PTPRG: variants seen among roughly 807,000 people sequenced by gnomAD.
The protein encoded by PTPRG is protein tyrosine phosphatase receptor type G.
Under a neutral mutation model 165.3 loss-of-function variants are expected in PTPRG, and 102 were observed. The ratio of observed to expected loss-of-function variants is 0.62; its 90% CI spans 0.53 to 0.73. The LOEUF is 0.73. PTPRG is among the 30% of genes least tolerant of loss of function. PTPRG has a pLI of 0.00. For synonymous variants in PTPRG, 675 were observed against 669.5 expected, an observed-to-expected ratio of 1.01 and a Z score of -0.13; for missense variants, 1,866 against 1,861.4, an observed-to-expected ratio of 1.00 and a Z score of -0.05.
intron 1 of PTPRG, among the ~76,000 whole-genome samples, chr3:61,701,768 G>A (rs1294769196): frequency 6.6e-6 from 1 of 151,992 alleles, no homozygotes. Context: ...GTCGTGTCAC[G>A]TGACTGTCAT....
intron 5 of PTPRG, among the ~76,000 whole-genome samples, chr3:62,130,584 T>C (rs1188981916): frequency 6.6e-6 from 1 of 152,212 alleles, no homozygotes; most frequent in Non-Finnish European, 1.5e-5. Context: ...ACCATCTTTT[T>C]GTCTATAGCT....
At chr3:62,238,424 C>T (rs1180883641) in intron 14 of PTPRG, among the ~76,000 whole-genome samples, 1 of 151,990 alleles carries the variant, frequency 6.6e-6, no homozygotes, top group Non-Finnish European at 1.5e-5. Flanking sequence ...TTCAGGATGT[C>T]GGAACATCAT....
intron 2 of PTPRG, among the ~76,000 whole-genome samples, chr3:61,918,986 G>T (rs1374682624): frequency 6.6e-6 from 1 of 152,132 alleles, no homozygotes; most frequent in Non-Finnish European, 1.5e-5. Flanking sequence ...TTGTGAGGGT[G>T]GGACTAGGCA....
chr3:61,943,258 G>A (rs1031090055), intron 2 of PTPRG, among the ~76,000 whole-genome samples: 6 of 152,166 alleles, frequency 3.9e-5, no homozygotes, highest in Admixed American at 3.9e-4. Flanking sequence ...TGCCATATCA[G>A]TTGTTGTGAA....
At chr3:61,939,518 T>C (rs2039560814) in intron 2 of PTPRG, among the ~76,000 whole-genome samples, 1 of 152,216 alleles carries the variant, frequency 6.6e-6, no homozygotes, top group Non-Finnish European at 1.5e-5. Context: ...TTTATAAGAT[T>C]GTTTAAGGTT....
At chr3:61,662,610 A>G (rs972789819) in intron 1 of PTPRG, among the ~76,000 whole-genome samples, 3 of 152,240 alleles carry the variant, frequency 2.0e-5, no homozygotes, top group Admixed American at 6.5e-5. Context: ...GTAATAGATC[A>G]CTAATGCACA....
intron 28 of PTPRG, among the ~76,000 whole-genome samples, chr3:62,291,632 CA>C (rs940281886): frequency 6.6e-6 from 1 of 151,964 alleles, no homozygotes; most frequent in African/African-American, 2.4e-5. Flanking sequence ...TTAAGTTTTT[CA>C]AAAAACAATG....
chr3:62,021,653 C>G (rs1358618479), intron 4 of PTPRG, among the ~76,000 whole-genome samples: 1 of 152,026 alleles, frequency 6.6e-6, no homozygotes, highest in African/African-American at 2.4e-5. Context: ...CCTTTACCTT[C>G]GTGAATTGAG....
chr3:61,983,600 C>T (rs1370065304), intron 2 of PTPRG, among the ~76,000 whole-genome samples: 2 of 152,002 alleles, frequency 1.3e-5, no homozygotes. Flanking sequence ...ATTCAAGGTA[C>T]ATGCTTATTT....
chr3:62,035,836 A>G (rs555914833), intron 4 of PTPRG, among the ~76,000 whole-genome samples: 2 of 152,308 alleles, frequency 1.3e-5, no homozygotes, highest in African/African-American at 4.8e-5. Context: ...TGTTGAGAGG[A>G]GCTGTTCTCC....
At chr3:61,569,259 T>G (rs764343715) in intron 1 of PTPRG, among the ~76,000 whole-genome samples, 14 of 152,336 alleles carry the variant, frequency 9.2e-5, no homozygotes, top group Non-Finnish European at 1.9e-4. Flanking sequence ...GAATATGGCC[T>G]CTGGAGCCAG....
chr3:61,570,051 A>T (rs1700020751), intron 1 of PTPRG, among the ~76,000 whole-genome samples: 1 of 152,184 alleles, frequency 6.6e-6, no homozygotes. Flanking sequence ...ACAGTGTGGT[A>T]ATGGAGGGAA....
chr3:62,121,587 AG>A (rs1212493327), intron 5 of PTPRG, among the ~76,000 whole-genome samples: 1 of 152,140 alleles, frequency 6.6e-6, no homozygotes, highest in East Asian at 1.9e-4. Context: ...GTTCACCTAC[AG>A]GGGATCCATC....
chr3:61,643,368 A>G (rs1702117224), intron 1 of PTPRG, among the ~76,000 whole-genome samples: 1 of 152,206 alleles, frequency 6.6e-6, no homozygotes, highest in Admixed American at 6.5e-5. Context: ...AATTCAAATG[A>G]ATTAACTAGT....
At chr3:62,284,035 G>A (rs1052567192) in intron 28 of PTPRG, among the ~76,000 whole-genome samples, 1 of 151,968 alleles carries the variant, frequency 6.6e-6, no homozygotes, top group African/African-American at 2.4e-5. Flanking sequence ...AAAACTTTGT[G>A]GTATACAGTT....
intron 1 of PTPRG, among the ~76,000 whole-genome samples, chr3:61,642,453 G>A (rs1342054382): frequency 1.6e-4 from 25 of 152,164 alleles, no homozygotes; most frequent in Admixed American, 1.6e-3. Context: ...TTCTGGGAAA[G>A]CAACTGAAGA....
intron 2 of PTPRG, among the ~76,000 whole-genome samples, chr3:61,838,552 G>A (rs1365944882): frequency 6.6e-6 from 1 of 152,150 alleles, no homozygotes; most frequent in Non-Finnish European, 1.5e-5. Flanking sequence ...CTCTTCAACA[G>A]TTTATGGCTG....
chr3:61,590,377 T>C (rs1329839458), intron 1 of PTPRG, among the ~76,000 whole-genome samples: 1 of 152,044 alleles, frequency 6.6e-6, no homozygotes, highest in Admixed American at 6.5e-5. Context: ...ATATAAAAAT[T>C]AGCTGGCGTA....
At chr3:61,603,825 T>G (rs749934056) in intron 1 of PTPRG, among the ~76,000 whole-genome samples, 15 of 152,170 alleles carry the variant, frequency 9.9e-5, no homozygotes, top group Admixed American at 4.6e-4. Context: ...TGTGTCTGTG[T>G]TTTCACATGC....
Sources: gnomAD v4.1 joint callset for allele counts (sites outside exome capture counted in the v4.1 genomes callset) on GRCh38, gnomAD v4.1.1 for gene constraint, MANE v1.5 for transcripts, NCBI Gene and HGNC (gene_info 2026-07-23, HGNC 2026-07-21) for gene names.